PRKCB: variants seen among roughly 807,000 people sequenced by gnomAD.
The protein encoded by PRKCB is protein kinase C beta, also known as protein kinase C beta type.
In PRKCB, 13 loss-of-function variants were observed where a neutral mutation model predicts 81.5. The observed-to-expected ratio is 0.16, with a 90% CI of 0.10 to 0.25. The LOEUF (loss-of-function observed/expected upper bound fraction) is 0.25. Among genes scored for constraint, PRKCB ranks in the 10% least tolerant of loss-of-function variants. The probability of loss-of-function intolerance (pLI) is 1.00; values close to 1 mark genes in which losing one functional copy is unlikely to be tolerated. For missense variants in PRKCB, 509 were observed against 875.7 expected (o/e 0.58, Z 5.29); for synonymous variants, 335 against 321.4 (o/e 1.04, Z -0.45).
At chr16:24,015,030 G>A (rs28608178) in intron 3 of PRKCB, among the ~76,000 whole-genome samples, 55,222 of 151,926 alleles carry the variant, frequency 0.36, 10,718 homozygotes, top group African/African-American at 0.51. Flanking sequence ...CGAACTCCTG[G>A]CCTCAAGTGA....
intron 5 of PRKCB, among the ~76,000 whole-genome samples, chr16:24,041,177 G>A (rs544187891): frequency 6.6e-6 from 1 of 151,866 alleles, no homozygotes; most frequent in Admixed American, 6.6e-5. Flanking sequence ...AGCCTCCCGA[G>A]TAGCTGCGAC....
At chr16:24,211,914 A>G (rs1487118489) in intron 16 of PRKCB, among the ~76,000 whole-genome samples, 2 of 152,066 alleles carry the variant, frequency 1.3e-5, no homozygotes, top group East Asian at 3.9e-4. Flanking sequence ...GCTCTTGGAG[A>G]CCTAAGTCCC....
intron 9 of PRKCB, among the ~76,000 whole-genome samples, chr16:24,128,437 C>T (rs1358154109): frequency 6.6e-6 from 1 of 152,204 alleles, no homozygotes; most frequent in Non-Finnish European, 1.5e-5. Flanking sequence ...ATGGCACAAG[C>T]CTTTTGGTAA....
intron 5 of PRKCB, among the ~76,000 whole-genome samples, chr16:24,053,804 C>A (rs935969255): frequency 6.6e-6 from 1 of 151,964 alleles, no homozygotes; most frequent in Admixed American, 6.6e-5. Flanking sequence ...CAAGGAGGCT[C>A]GTGTGTCTAA....
chr16:23,867,164 C>T (rs920965265), intron 2 of PRKCB, among the ~76,000 whole-genome samples: 1 of 151,692 alleles, frequency 6.6e-6, no homozygotes, highest in African/African-American at 2.4e-5. Flanking sequence ...CTCACTCTGT[C>T]GCCCAGGCTG....
intron 9 of PRKCB, among the ~76,000 whole-genome samples, chr16:24,126,848 T>A (rs750489664): frequency 6.6e-5 from 10 of 150,904 alleles, no homozygotes; most frequent in Non-Finnish European, 1.5e-4. Context: ...ATTTTTGTAT[T>A]TTTTTGTAGA....
chr16:23,911,887 A>G (rs1401354000), intron 2 of PRKCB, among the ~76,000 whole-genome samples: 1 of 128,680 alleles, frequency 7.8e-6, no homozygotes, highest in Non-Finnish European at 1.5e-5. Flanking sequence ...GCTGGAGTGC[A>G]GTGGCAGGAT....
chr16:23,836,748 C>G (rs1481727388), intron 1 of PRKCB, among the ~76,000 whole-genome samples: 1 of 141,614 alleles, frequency 7.1e-6, no homozygotes, highest in African/African-American at 2.7e-5. Context: ...GAGGAGCCCT[C>G]GCCCCCCACC....
At chr16:24,090,531 G>A (rs1191820747) in intron 5 of PRKCB, among the ~76,000 whole-genome samples, 2 of 152,130 alleles carry the variant, frequency 1.3e-5, no homozygotes, top group East Asian at 3.9e-4. Flanking sequence ...GAGGGGCAAG[G>A]GAGTTGAGGG....
intron 5 of PRKCB, among the ~76,000 whole-genome samples, chr16:24,075,648 T>A (rs908314554): frequency 6.6e-5 from 10 of 152,218 alleles, no homozygotes; most frequent in African/African-American, 1.9e-4. Context: ...ATGTCAGAAA[T>A]CCTATCTGTA....
rs142859099 is a variant in PRKCB at position 24,215,392 on chromosome 16, G to A, written c.*576G>A. 5.1e-6 allele frequency: 5 copies of A among 986,080 alleles called. No individual in the cohort carries two copies. In the Admixed American group the frequency reaches 1.8e-4, roughly 36 times the overall value. 61.1% of individuals were successfully genotyped at this position (986,080 alleles called of 1,614,324 possible). Reference sequence around the variant, plus strand: ...CTAAAATTCCAAGAATGTGCTTTTAGACGGTCTCAATCTAAAAGCACTTCA... The same window carrying A: ...CTAAAATTCCAAGAATGTGCTTTTAAACGGTCTCAATCTAAAAGCACTTCA... On this transcript the variant is annotated 3_prime_UTR_variant, in exon 17 of 17. Coordinates refer to ENST00000643927, the MANE Select transcript of PRKCB (RefSeq NM_002738.7).
rs1445108110 is a variant in PRKCB, at chr16:24,020,992, C to CTTTCTTTCT, written c.289-11141_289-11133dup. 1.9e-4 allele frequency among the ~76,000 whole-genome samples: 24 copies of CTTTCTTTCT among 127,908 alleles called. No homozygotes were observed. In the East Asian group the frequency reaches 5.5e-3, roughly 29 times the overall value. 83.9% of individuals were successfully genotyped at this position (127,908 alleles called of 152,430 possible). On this transcript the variant is annotated intron_variant, in intron 3 of 16. Transcript: ENST00000643927. ...GACTTTTCTTTTTCTTTCTTTCTTT[C>CTTTCTTTCT]TTTCTTTCTTTCTTTCTTTCTTTCT...
At chr16:23,990,654 C>A (rs931470247) in intron 3 of PRKCB, among the ~76,000 whole-genome samples, 16 of 151,746 alleles carry the variant, frequency 1.1e-4, no homozygotes, top group African/African-American at 2.4e-4. Flanking sequence ...CTCTAGCAAC[C>A]CCCCCACCTC....
At chr16:24,091,904 A>G (rs1966381664) in intron 5 of PRKCB, among the ~76,000 whole-genome samples, 1 of 152,168 alleles carries the variant, frequency 6.6e-6, no homozygotes, top group Non-Finnish European at 1.5e-5. Context: ...CCTTCTCTCT[A>G]TGGGCTGTCT....
At chr16:23,993,445 G>A (rs986690696) in intron 3 of PRKCB, among the ~76,000 whole-genome samples, 1 of 152,176 alleles carries the variant, frequency 6.6e-6, no homozygotes, top group African/African-American at 2.4e-5. Flanking sequence ...GTAGAGGAAA[G>A]GATTCAAAAG....
intron 2 of PRKCB, among the ~76,000 whole-genome samples, chr16:23,850,383 G>A (rs533176961): frequency 3.3e-5 from 5 of 151,422 alleles, no homozygotes; most frequent in Non-Finnish European, 7.4e-5. Flanking sequence ...TTTTTAATTT[G>A]AGACTGAGTT....
intron 2 of PRKCB, among the ~76,000 whole-genome samples, chr16:23,873,156 C>T (rs147564194): frequency 0.012 from 1,738 of 140,348 alleles, 42 homozygotes; most frequent in African/African-American, 0.043. Context: ...GGCTAAACCC[C>T]GTCTCTACTA....
chr16:24,028,415 T>C (rs1043689523), intron 3 of PRKCB, among the ~76,000 whole-genome samples: 6 of 152,216 alleles, frequency 3.9e-5, no homozygotes, highest in Admixed American at 2.0e-4. Context: ...AAATATAAAG[T>C]AAAATTCATC....
chr16:23,853,221 A>G (rs1345153981), intron 2 of PRKCB, among the ~76,000 whole-genome samples: 1 of 152,262 alleles, frequency 6.6e-6, no homozygotes, highest in African/African-American at 2.4e-5. Context: ...CTGCTGTAAC[A>G]GACAAACCTT....
Sources: gnomAD v4.1 joint callset for allele counts (sites outside exome capture counted in the v4.1 genomes callset) on GRCh38, gnomAD v4.1.1 for gene constraint, MANE v1.5 for transcripts, NCBI Gene and HGNC (gene_info 2026-07-23, HGNC 2026-07-21) for gene names.